The following CNTNAP2 variants were observed in gnomAD, a reference collection of about 807,000 sequenced individuals.
The protein encoded by CNTNAP2 is contactin associated protein 2.
In CNTNAP2, 98 loss-of-function variants were observed where a neutral mutation model predicts 155.2. The observed-to-expected ratio is 0.63, with a 90% confidence interval of 0.54 to 0.75. The LOEUF (loss-of-function observed/expected upper bound fraction) is 0.75. Among genes scored for constraint, CNTNAP2 ranks in the 30% least tolerant of loss-of-function variants. The probability of loss-of-function intolerance (pLI) is 0.00; values close to 1 mark genes in which losing one functional copy is unlikely to be tolerated. For missense variants in CNTNAP2, 1,727 were observed against 1,688.1 expected (o/e 1.02, Z -0.40); for synonymous variants, 651 against 631.2 (o/e 1.03, Z -0.47).
intron 10 of CNTNAP2, among the ~76,000 whole-genome samples, chr7:147,438,456 C>A (rs1435295866): frequency 6.6e-6 from 1 of 151,860 alleles, no homozygotes; most frequent in African/African-American, 2.4e-5. Flanking sequence ...AGGGATAAAT[C>A]CCCCTTAGTC....
chr7:146,130,745 A>G (rs903675677), intron 1 of CNTNAP2, among the ~76,000 whole-genome samples: 7 of 152,206 alleles, frequency 4.6e-5, no homozygotes, highest in Non-Finnish European at 1.0e-4. Context: ...ATTGACTCAC[A>G]GTTCTGCATG....
intron 3 of CNTNAP2, among the ~76,000 whole-genome samples, chr7:146,983,819 T>C (rs1381033138): frequency 6.6e-6 from 1 of 152,218 alleles, no homozygotes; most frequent in East Asian, 1.9e-4. Context: ...AAAATATGTT[T>C]GCAATTGACA....
intron 1 of CNTNAP2, among the ~76,000 whole-genome samples, chr7:146,762,912 C>G (rs10256317): frequency 1.3e-5 from 2 of 152,272 alleles, no homozygotes; most frequent in South Asian, 4.1e-4. Flanking sequence ...TTACCTCCAA[C>G]TGGGTCCCTC....
At chr7:147,459,441 G>T (rs1460447171) in intron 10 of CNTNAP2, among the ~76,000 whole-genome samples, 7 of 152,180 alleles carry the variant, frequency 4.6e-5, no homozygotes, top group Admixed American at 2.6e-4. Flanking sequence ...CACCTGACAT[G>T]ACAGCAGAGA....
In CNTNAP2 at chr7:146,170,018, CT is replaced by C. The variant is rs71175637; in HGVS notation, c.97+53062del. Among the ~76,000 whole-genome samples the C allele has an allele frequency of 6.4e-3, 816 of 126,912 alleles. 6 individuals carry two copies. Among genetic ancestry groups the C allele is most frequent in the African/African-American group, 0.02 (670 of 34,036 alleles). 83.3% of individuals were successfully genotyped at this position (126,912 alleles called of 152,430 possible). A position where few individuals can be genotyped will look rare whatever the true frequency, so the allele number is the denominator to read the frequency against. On this transcript the variant is annotated intron_variant, in intron 1 of 23. Transcript: ENST00000361727. ...GCTGGATCTAGACTTCCTTTCTTTT[CT>C]TTTTTTTTTTTTTTTTGGAGTGGGG... is the stretch of plus-strand genomic sequence containing the variant.
intron 1 of CNTNAP2, among the ~76,000 whole-genome samples, chr7:146,339,030 CA>C (rs1270189566): frequency 6.6e-6 from 1 of 151,936 alleles, no homozygotes. Context: ...TAAAAAAATA[CA>C]AAAATTAGCT....
intron 1 of CNTNAP2, among the ~76,000 whole-genome samples, chr7:146,218,259 C>T (rs1584807537): frequency 1.3e-5 from 2 of 152,292 alleles, no homozygotes; most frequent in South Asian, 4.1e-4. Context: ...CCTGTAATCC[C>T]AGCACTTTGG....
intron 4 of CNTNAP2, among the ~76,000 whole-genome samples, chr7:147,054,908 C>T (rs1192884871): frequency 2.0e-5 from 3 of 152,046 alleles, no homozygotes; most frequent in African/African-American, 4.8e-5. Flanking sequence ...ATTTTCTATG[C>T]TTCTAAATGA....
intron 1 of CNTNAP2, among the ~76,000 whole-genome samples, chr7:146,210,455 C>T (rs1430672848): frequency 6.6e-6 from 1 of 152,136 alleles, no homozygotes; most frequent in African/African-American, 2.4e-5. Context: ...AGGCATGCAC[C>T]ACCATGCCCA....
chr7:146,216,567 A>G (rs1799116971), intron 1 of CNTNAP2, among the ~76,000 whole-genome samples: 1 of 152,146 alleles, frequency 6.6e-6, no homozygotes, highest in South Asian at 2.1e-4. Flanking sequence ...CCACAGGGCT[A>G]ATCCCTGACC....
intron 11 of CNTNAP2, among the ~76,000 whole-genome samples, chr7:147,518,567 C>T (rs138379737): frequency 6.6e-6 from 1 of 152,174 alleles, no homozygotes; most frequent in East Asian, 1.9e-4. Context: ...TGTAGCTCTT[C>T]CGGTGGACAG....
intron 14 of CNTNAP2, among the ~76,000 whole-genome samples, chr7:147,920,959 G>A (rs1008395663): frequency 2.2e-4 from 34 of 151,708 alleles, no homozygotes; most frequent in Admixed American, 7.9e-4. Context: ...ACAGGCACCC[G>A]CCACCACGCC....
chr7:146,422,057 A>G (rs1348826341), intron 1 of CNTNAP2, among the ~76,000 whole-genome samples: 3 of 151,412 alleles, frequency 2.0e-5, no homozygotes, highest in Non-Finnish European at 4.4e-5. Flanking sequence ...TTTTTTTAGT[A>G]TTTTCACATC....
Position 148,415,711 on chromosome 7 carries a change from C to T in CNTNAP2, c.*95C>T. 2 of 1,388,494 alleles carry T rather than the reference C, an allele frequency of 1.4e-6. No individual in the cohort carries two copies. The highest frequency in any genetic ancestry group is 2.0e-6 in the Non-Finnish European group (2 of 989,008). 86.0% of individuals were successfully genotyped at this position (1,388,494 alleles called of 1,614,324 possible). A position where few individuals can be genotyped will look rare whatever the true frequency, so the allele number is the denominator to read the frequency against. On this transcript the variant is annotated 3_prime_UTR_variant, in exon 24 of 24. Coordinates refer to ENST00000361727, the MANE Select transcript of CNTNAP2 (RefSeq NM_014141.6). ...CCTGCTTCATACTCTTGAGCACATC[C>T]TTAAAATATCAGCACAAGTTGGGGG...
intron 15 of CNTNAP2, among the ~76,000 whole-genome samples, chr7:148,019,340 G>GAA (rs112035250): frequency 6.4e-4 from 98 of 152,286 alleles, no homozygotes; most frequent in African/African-American, 2.3e-3. Flanking sequence ...CAACAGGCCT[G>GAA]AAACCTTCCT....
chr7:146,331,320 A>AAT (rs1801184064), intron 1 of CNTNAP2, among the ~76,000 whole-genome samples: 2 of 143,672 alleles, frequency 1.4e-5, no homozygotes, highest in Non-Finnish European at 3.0e-5. Flanking sequence ...AAAAAAAATA[A>AAT]AAATAACCAA....
At chr7:148,229,835 C>T in intron 20 of CNTNAP2, 56 bp downstream of exon 20, 1 of 1,603,710 alleles carries the variant, frequency 6.2e-7, no homozygotes, top group Non-Finnish European at 8.5e-7. Context: ...GTCCCTGTCC[C>T]TATAATGCTT....
At chr7:148,125,687 GTGTATA>G (rs772273486) in intron 16 of CNTNAP2, among the ~76,000 whole-genome samples, 4 of 136,084 alleles carry the variant, frequency 2.9e-5, no homozygotes, top group African/African-American at 1.2e-4. Context: ...GTGTGTGTGT[GTGTATA>G]TATATATAGT....
rs553771158 is a variant in CNTNAP2 at position 147,836,912 on chromosome 7, A to G, written c.2099-66653A>G. Among the ~76,000 whole-genome samples the G allele has an allele frequency of 2.0e-4, 31 of 152,238 alleles. No individual in the cohort carries two copies. The South Asian group carries it at 6.4e-3, about 32-fold the overall frequency. On this transcript the variant is annotated intron_variant, in intron 13 of 23. Coordinates refer to ENST00000361727, the MANE Select transcript of CNTNAP2 (RefSeq NM_014141.6). ...ATTAACTTATTTTAGTAATGTCTTA[A>G]TTTTTCTCCTCTGAGTTTCTAAATG...
Sources: gnomAD v4.1 joint callset for allele counts (sites outside exome capture counted in the v4.1 genomes callset) on GRCh38, gnomAD v4.1.1 for gene constraint, MANE v1.5 for transcripts, NCBI Gene and HGNC (gene_info 2026-07-23, HGNC 2026-07-21) for gene names.